The following CNOT1 variants were observed in gnomAD, a reference collection of about 807,000 sequenced individuals.
CNOT1 encodes the protein CCR4-associated factor 1.
In CNOT1, 15 loss-of-function variants were observed where a neutral mutation model predicts 273.8. The ratio of observed to expected loss-of-function variants is 0.05; its 90% CI spans 0.04 to 0.08. CNOT1 has a LOEUF of 0.08. Ranked by LOEUF, CNOT1 falls within the 10% of genes least tolerant of loss-of-function variation. CNOT1 has a pLI of 1.00. For synonymous variants in CNOT1, 1,022 were observed against 1,005.5 expected (o/e 1.02, Z -0.31); for missense variants, 1,644 against 2,912.2 (o/e 0.56, Z 10.02).
At chr16:58,591,610 C>T (rs1408777656) in intron 2 of CNOT1, among the ~76,000 whole-genome samples, 2 of 151,896 alleles carry the variant, frequency 1.3e-5, no homozygotes, top group Non-Finnish European at 1.5e-5. Context: ...AAAAATTAGC[C>T]GGACGTGGCG....
chr16:58,607,743 G>A (rs200287504), intron 1 of CNOT1, among the ~76,000 whole-genome samples: 912 of 80,886 alleles, frequency 0.011, 3 homozygotes, highest in African/African-American at 0.027. Context: ...AAAAAAGAAA[G>A]AAAGAAAGAA....
At chr16:58,556,335 T>C (rs1423086542) in intron 19 of CNOT1, among the ~76,000 whole-genome samples, 1 of 152,222 alleles carries the variant, frequency 6.6e-6, no homozygotes, top group Non-Finnish European at 1.5e-5. Flanking sequence ...CCTTTCACAC[T>C]AACGTTATCA....
intron 11 of CNOT1, 133 bp downstream of exon 11, chr16:58,581,212 A>T: frequency 9.9e-7 from 1 of 1,007,272 alleles, no homozygotes; most frequent in South Asian, 2.1e-5. Context: ...ACTTATGGAC[A>T]GTCCTTGCTT....
chr16:58,586,981 C>T lies in CNOT1; in HGVS notation c.433+220G>A, dbSNP rs950843. Among the ~76,000 whole-genome samples the T allele has an allele frequency of 0.75, 114,647 of 152,134 alleles. 43,613 individuals are homozygous for T. Among genetic ancestry groups the T allele is most frequent in the Middle Eastern group, 0.86 (253 of 294 alleles). On this transcript the variant is annotated intron_variant, in intron 6 of 48. Transcript: ENST00000317147. Reference sequence around the variant, plus strand: ...AGTTCTGTTTGGCAAAATAAAGTTCCAGAGAGATGTTACACAACCTGAATA... The same window carrying T: ...AGTTCTGTTTGGCAAAATAAAGTTCTAGAGAGATGTTACACAACCTGAATA...
At position 58,586,741 on chromosome 16, in the gene CNOT1, C is replaced by G; in HGVS notation, c.441G>C (p.Gln147His). The G allele has an allele frequency of 6.2e-7, 1 of 1,612,736 alleles. No homozygotes were observed. Among genetic ancestry groups the G allele is most frequent in the Non-Finnish European group, 8.5e-7 (1 of 1,179,854 alleles). The change falls in exon 7 of 49, where the codon CAG becomes CAC. Residue 147 changes from glutamine to histidine, a missense_variant. Around this residue, in one of 13 missense-constraint regions of CNOT1, gnomAD observed 706 missense variants for 1,021.2 expected, o/e 0.69. Coordinates refer to ENST00000317147, the MANE Select transcript of CNOT1 (RefSeq NM_016284.5). ...GATCTGGAAGCTTCTGTTTGATAAA[C>G]TGGGCAGCTAGAAGTCAGGTAAACC... ...SSSDLRGFAA[Q>H]FIKQKLPDLL...
At chr16:58,523,331 A>G in intron 47 of CNOT1, 39 bp downstream of exon 47, 1 of 1,538,612 alleles carries the variant, frequency 6.5e-7, no homozygotes, top group South Asian at 1.3e-5. Context: ...AAGGGAGGAG[A>G]TCCTTTTGAA....
intron 1 of CNOT1, among the ~76,000 whole-genome samples, chr16:58,622,576 T>G (rs572370383): frequency 6.6e-6 from 1 of 152,026 alleles, no homozygotes; most frequent in Non-Finnish European, 1.5e-5. Flanking sequence ...AAGAATATTA[T>G]AGGCTCACGC....
intron 27 of CNOT1, 121 bp from the exon 28 acceptor site, chr16:58,546,870 A>C (rs961388392): frequency 7.9e-7 from 1 of 1,267,830 alleles, no homozygotes; most frequent in Admixed American, 2.4e-5. Context: ...AACAAAAAAC[A>C]AGGATTAAAA....
intron 39 of CNOT1, among the ~76,000 whole-genome samples, chr16:58,534,607 G>A (rs1367416257): frequency 6.6e-6 from 1 of 152,152 alleles, no homozygotes; most frequent in African/African-American, 2.4e-5. Flanking sequence ...GTAGAACAGG[G>A]AAGATGGAAA....
intron 1 of CNOT1, among the ~76,000 whole-genome samples, chr16:58,622,973 A>G (rs1368295060): frequency 2.0e-5 from 3 of 151,424 alleles, no homozygotes; most frequent in Non-Finnish European, 4.4e-5. Context: ...CAAGGCAGGC[A>G]GATCACCTGA....
intron 30 of CNOT1, among the ~76,000 whole-genome samples, chr16:58,544,595 T>TG (rs1347508857): frequency 1.3e-5 from 2 of 152,130 alleles, no homozygotes; most frequent in African/African-American, 2.4e-5. Flanking sequence ...GGAGTGGGGA[T>TG]GGGGGGACAA....
At position 58,586,680 on chromosome 16, in the gene CNOT1, T is replaced by G; in HGVS notation, c.502A>C (p.Asn168His). The G allele has an allele frequency of 6.2e-7, 1 of 1,613,364 alleles. No individual in the cohort carries two copies. Among genetic ancestry groups the G allele is most frequent in the Non-Finnish European group, 8.5e-7 (1 of 1,179,926 alleles). ...ATATCTTGGAAGCCACCTTCTTGAT[T>G]TCCACTGACGTCTGCGTCAATGTAA... ...RSYIDADVSG[N>H]QEGGFQDIAI... Residue 168 changes from asparagine (N) to histidine (H), a missense_variant, in exon 7 of 49, where the codon AAT becomes CAT. Around this residue, in one of 13 missense-constraint regions of CNOT1, gnomAD observed 706 missense variants for 1,021.2 expected, o/e 0.69. Transcript: ENST00000317147.
At position 58,602,528 on chromosome 16, in the gene CNOT1, G is replaced by C. The variant is rs113831560; in HGVS notation, c.-174-3017C>G. On this transcript the variant is annotated intron_variant, in intron 1 of 48. Coordinates refer to ENST00000317147, the MANE Select transcript of CNOT1 (RefSeq NM_016284.5). ...AGATCACACCACTGCACTCTGGCCT[G>C]GGCAACAGAGCAAGACTCTGTCTCC... is the stretch of plus-strand genomic sequence containing the variant. 4.8e-5 allele frequency among the ~76,000 whole-genome samples: 6 copies of C among 124,528 alleles called. No homozygotes were observed. In the East Asian group the frequency reaches 1.0e-3, roughly 21 times the overall value. The allele number at this position is 124,528 out of a possible 152,430, so 81.7% of individuals were successfully genotyped here.
Position 58,576,559 on chromosome 16 carries a change from T to C in CNOT1, c.1608A>G (p.Gln536=), listed in dbSNP as rs780724080. The stretch of plus-strand genomic sequence containing the variant: ...ATTCTGCCATTGCATGCATGATAAG[T>C]TGGCGAATTGAGGGAGACTGTCCCT... ...HGQGQSPSIR[Q]LIMHAMAEWY... Residue 536 remains glutamine, a synonymous_variant, in exon 14 of 49, where the codon CAA becomes CAG. Transcript: ENST00000317147. 3 of 1,614,092 alleles carry C rather than the reference T, an allele frequency of 1.9e-6. No homozygotes were observed. The highest frequency in any genetic ancestry group is 2.7e-5 in the African/African-American group (2 of 74,926).
intron 12 of CNOT1, 75 bp from the exon 13 acceptor site, chr16:58,579,014 C>G: frequency 9.7e-6 from 15 of 1,543,596 alleles, no homozygotes; most frequent in Non-Finnish European, 1.3e-5. Flanking sequence ...ATAAGTGATA[C>G]CAGCTTGTAA....
chr16:58,542,640 A>G, intron 31 of CNOT1, 72 bp from the exon 32 acceptor site: 1 of 1,559,206 alleles, frequency 6.4e-7, no homozygotes, highest in Non-Finnish European at 8.6e-7. Context: ...GTGGACAGAC[A>G]GGATAGTAGA....
intron 1 of CNOT1, among the ~76,000 whole-genome samples, chr16:58,610,628 G>A (rs936322679): frequency 2.6e-5 from 4 of 152,254 alleles, no homozygotes; most frequent in African/African-American, 9.6e-5. Flanking sequence ...CGGATCACAA[G>A]GTCAGGAGAT....
intron 43 of CNOT1, among the ~76,000 whole-genome samples, chr16:58,529,561 G>A (rs999710336): frequency 2.0e-5 from 3 of 152,186 alleles, no homozygotes; most frequent in Admixed American, 6.5e-5. Context: ...AAGGAGGGTG[G>A]GTGCAGTGGC....
At chr16:58,528,801 C>T (rs990550380) in intron 43 of CNOT1, among the ~76,000 whole-genome samples, 153 bp from the exon 44 acceptor site, 1 of 148,686 alleles carries the variant, frequency 6.7e-6, no homozygotes, top group Admixed American at 6.8e-5. Context: ...AACATTATCA[C>T]AGATGATTTA....
Sources: allele counts gnomAD v4.1 joint callset (sites outside exome capture counted in the v4.1 genomes callset), GRCh38; gene constraint gnomAD v4.1.1; regional missense constraint gnomAD v4.1.1; transcripts MANE v1.5; gene names NCBI Gene and HGNC (gene_info 2026-07-23, HGNC 2026-07-21).